The following PCDHA2 variants were observed in gnomAD, a reference collection of about 807,000 sequenced individuals.
The protein encoded by PCDHA2 is protocadherin alpha 2, also known as protocadherin alpha-2.
In PCDHA2, 58 loss-of-function variants were observed where a neutral mutation model predicts 66.0. That is an observed-to-expected ratio of 0.88 (90% CI 0.71 to 1.09). The LOEUF (loss-of-function observed/expected upper bound fraction) is 1.09, where lower values mean the gene tolerates loss of function less well. Among genes scored for constraint, PCDHA2 ranks in the 50% least tolerant of loss-of-function variants. The pLI is 0.00. For missense variants in PCDHA2, 1,267 were observed against 1,242.3 expected, an observed-to-expected ratio of 1.02 and a Z score of -0.30; for synonymous variants, 634 against 554.0, an observed-to-expected ratio of 1.14 and a Z score of -2.03.
intron 3 of PCDHA2, among the ~76,000 whole-genome samples, chr5:140,985,796 G>GTGC (rs1245486198): frequency 7.1e-6 from 1 of 140,828 alleles, no homozygotes; most frequent in Non-Finnish European, 1.5e-5. Flanking sequence ...CTGGAGTGCA[G>GTGC]TGGCACGATC....
intron 1 of PCDHA2, chr5:140,802,970 A>T (rs781822296): frequency 6.2e-7 from 1 of 1,613,964 alleles, no homozygotes; most frequent in Non-Finnish European, 8.5e-7. Context: ...GCCACGTGGT[A>T]GCGAAGGTGC....
intron 1 of PCDHA2, chr5:140,841,298 T>C (rs1554138068): frequency 6.4e-7 from 1 of 1,567,044 alleles, no homozygotes; most frequent in Admixed American, 2.0e-5. Flanking sequence ...GATAATATTT[T>C]CTGATAGGAA....
intron 1 of PCDHA2, chr5:140,876,048 T>C (rs376201695): frequency 6.2e-7 from 1 of 1,613,930 alleles, no homozygotes. Context: ...GTATATTGCC[T>C]GAATTAGTTC....
In PCDHA2 at chr5:140,862,815, G is replaced by C. The variant is rs781964079; in HGVS notation, c.2388+65463G>C. 7 of 574,804 alleles carry C rather than the reference G, an allele frequency of 1.2e-5. No individual in the cohort carries two copies. The African/African-American group carries it at 1.3e-4, about 11-fold the overall frequency. The allele number at this position is 574,804 out of a possible 1,614,324, so 35.6% of individuals were successfully genotyped here. A position where few individuals can be genotyped will look rare whatever the true frequency, so the allele number is the denominator to read the frequency against. ...AGGAGCTGGAGCTGCTGCAGTTCTA[G>C]GTGAGAGCGCGCGACGCGGGCATGC... is the stretch of plus-strand genomic sequence containing the variant. On this transcript the variant is annotated intron_variant, in intron 1 of 3. Coordinates refer to ENST00000526136, the MANE Select transcript of PCDHA2 (RefSeq NM_018905.3).
chr5:140,856,200 T>G (rs1463727286), intron 1 of PCDHA2: 1 of 1,597,908 alleles, frequency 6.3e-7, no homozygotes, highest in African/African-American at 1.3e-5. Flanking sequence ...GCGCAGGACC[T>G]GGGGCTGGAG....
At chr5:140,986,950 A>C (rs1161887732) in intron 3 of PCDHA2, among the ~76,000 whole-genome samples, 1 of 152,164 alleles carries the variant, frequency 6.6e-6, no homozygotes, top group Admixed American at 6.5e-5. Flanking sequence ...GTGGTCGCTC[A>C]TGCCTGTAAT....
chr5:140,825,955 C>T (rs1768768479), intron 1 of PCDHA2: 2 of 152,330 alleles, frequency 1.3e-5, no homozygotes, highest in African/African-American at 4.8e-5. Context: ...AACCATTTGT[C>T]TACTCTTTTG....
chr5:140,849,523 T>A (rs2150439737), intron 1 of PCDHA2: 1 of 1,597,506 alleles, frequency 6.3e-7, no homozygotes, highest in African/African-American at 1.3e-5. Flanking sequence ...GTTGTGGATG[T>A]AAATGACAAT....
rs1762014147 is a variant in PCDHA2 at position 140,795,932 on chromosome 5, C to G, written c.968C>G (p.Thr323Ser). Residue 323 changes from threonine to serine, a missense_variant, in exon 1 of 4, where the codon ACT becomes AGT. Physicochemically the swap from Thr to Ser is moderately conservative, Grantham distance 58. Coordinates refer to ENST00000526136, the MANE Select transcript of PCDHA2 (RefSeq NM_018905.3). ...TCCTACGAGATTCAGGTCACTGCAA[C>G]TGACAAAGGAACCCCTTCAATGTCA... ...AKSYEIQVTA[T>S]DKGTPSMSGH... 1 of 1,613,908 alleles carries G rather than the reference C, an allele frequency of 6.2e-7. No homozygotes were observed. The highest frequency in any genetic ancestry group is 8.5e-7 in the Non-Finnish European group (1 of 1,179,948).
At chr5:140,868,000 C>G (rs2050232725) in intron 1 of PCDHA2, 1 of 152,022 alleles carries the variant, frequency 6.6e-6, no homozygotes, top group Non-Finnish European at 1.5e-5. Flanking sequence ...ATGAATATAA[C>G]TGAATTAGAT....
At chr5:140,980,716 G>T (rs1246125435) in intron 2 of PCDHA2, among the ~76,000 whole-genome samples, 1 of 151,830 alleles carries the variant, frequency 6.6e-6, no homozygotes, top group Non-Finnish European at 1.5e-5. Context: ...TCCTATTCGG[G>T]TTTCAATTAA....
chr5:140,874,901 T>G (rs896201686), intron 1 of PCDHA2, among the ~76,000 whole-genome samples: 2 of 152,208 alleles, frequency 1.3e-5, no homozygotes, highest in Admixed American at 1.3e-4. Context: ...TCTAAAATCT[T>G]ACGATGGAGT....
chr5:140,806,701 A>T (rs1763770331), intron 1 of PCDHA2, among the ~76,000 whole-genome samples: 1 of 152,252 alleles, frequency 6.6e-6, no homozygotes, highest in South Asian at 2.1e-4. Flanking sequence ...AGGAATCTGT[A>T]ATGAATTTTT....
chr5:140,936,303 T>C (rs1223461427), intron 1 of PCDHA2, among the ~76,000 whole-genome samples: 3 of 152,236 alleles, frequency 2.0e-5, no homozygotes, highest in South Asian at 2.1e-4. Flanking sequence ...TGCTATCCAA[T>C]AGAACTTTCT....
At chr5:140,909,560 C>A (rs2074577216) in intron 1 of PCDHA2, among the ~76,000 whole-genome samples, 1 of 152,284 alleles carries the variant, frequency 6.6e-6, no homozygotes, top group Middle Eastern at 3.4e-3. Flanking sequence ...ATCTCTGCAA[C>A]CCATCCAGAG....
Position 140,795,936 on chromosome 5 carries a change from C to A in PCDHA2, c.972C>A (p.Asp324Glu). The change falls in exon 1 of 4, where the codon GAC becomes GAA. Residue 324 changes from aspartate (D) to glutamate (E), a missense_variant. Transcript: ENST00000526136. ...ACGAGATTCAGGTCACTGCAACTGA[C>A]AAAGGAACCCCTTCAATGTCAGGAC... ...KSYEIQVTAT[D>E]KGTPSMSGHC... The A allele has an allele frequency of 6.2e-7, 1 of 1,614,034 alleles. No individual in the cohort carries two copies. Among genetic ancestry groups the A allele is most frequent in the Non-Finnish European group, 8.5e-7 (1 of 1,179,968 alleles).
intron 1 of PCDHA2, among the ~76,000 whole-genome samples, chr5:140,955,553 C>A (rs782183120): frequency 2.6e-5 from 4 of 152,088 alleles, no homozygotes; most frequent in Non-Finnish European, 5.9e-5. Flanking sequence ...TGAGGCCTCC[C>A]CAGCCATACT....
chr5:140,876,827 C>A, intron 1 of PCDHA2: 3 of 1,614,182 alleles, frequency 1.9e-6, no homozygotes, highest in South Asian at 1.1e-5. Context: ...AACGACAATG[C>A]GCCTGCGTTC....
chr5:140,981,694 A>C (rs1407083166), intron 2 of PCDHA2, among the ~76,000 whole-genome samples: 1 of 151,154 alleles, frequency 6.6e-6, no homozygotes, highest in Non-Finnish European at 1.5e-5. Context: ...TCCATCATTC[A>C]TTCATTCATT....
Sources: allele counts gnomAD v4.1 joint callset (sites outside exome capture counted in the v4.1 genomes callset), GRCh38; gene constraint gnomAD v4.1.1; transcripts MANE v1.5; gene names NCBI Gene and HGNC (gene_info 2026-07-23, HGNC 2026-07-21).